The following RPS6KC1 variants were observed in gnomAD, a reference collection of about 807,000 sequenced individuals.
RPS6KC1 encodes ribosomal protein S6 kinase C1.
Under a neutral mutation model 103.8 loss-of-function variants are expected in RPS6KC1, and 54 were observed. The ratio of observed to expected loss-of-function variants is 0.52; its 90% confidence interval spans 0.42 to 0.65. The LOEUF is 0.65. Ranked by LOEUF, RPS6KC1 falls within the 30% of genes least tolerant of loss-of-function variation. The pLI is 0.00. For synonymous variants in RPS6KC1, 439 were observed against 438.7 expected (o/e 1.00, Z -0.01); for missense variants, 1,151 against 1,253.8 (o/e 0.92, Z 1.24).
the RPS6KC1 span, among the ~76,000 whole-genome samples, chr1:213,614,565 C>T: frequency 6.6e-6 from 1 of 152,232 alleles, no homozygotes; most frequent in Non-Finnish European, 1.5e-5. Context: ...TTCCAGTCGG[C>T]CTGCCTCATC....
intron 8 of RPS6KC1, among the ~76,000 whole-genome samples, chr1:213,220,698 AT>A (rs1234677933): frequency 6.6e-6 from 1 of 152,200 alleles, no homozygotes; most frequent in African/African-American, 2.4e-5. Context: ...TTTTATACTT[AT>A]TTTCTTCTAA....
chr1:213,682,497 C>A, the RPS6KC1 span, among the ~76,000 whole-genome samples: 9 of 152,226 alleles, frequency 5.9e-5, no homozygotes, highest in African/African-American at 1.9e-4. Flanking sequence ...AAGGGTTATC[C>A]ACAAATTAAG....
At chr1:213,313,664 C>T in the RPS6KC1 span, among the ~76,000 whole-genome samples, 8 of 152,168 alleles carry the variant, frequency 5.3e-5, no homozygotes, top group African/African-American at 1.9e-4. Flanking sequence ...AACTGGGTGG[C>T]TTAGAATAAC....
At chr1:213,835,475 C>T in the RPS6KC1 span, among the ~76,000 whole-genome samples, 2 of 152,148 alleles carry the variant, frequency 1.3e-5, no homozygotes, top group Admixed American at 6.5e-5. Context: ...AAGCACTGGG[C>T]GACCAGTTAG....
chr1:213,689,687 C>T, the RPS6KC1 span, among the ~76,000 whole-genome samples: 1 of 152,222 alleles, frequency 6.6e-6, no homozygotes, highest in South Asian at 2.1e-4. Flanking sequence ...ATCAGAGGCA[C>T]TCAGATTCCT....
At chr1:213,142,656 C>T (rs920041280) in intron 6 of RPS6KC1, among the ~76,000 whole-genome samples, 95 of 152,070 alleles carry the variant, frequency 6.2e-4, no homozygotes, top group African/African-American at 2.1e-3. Flanking sequence ...GGCTGCCATC[C>T]GGTAGATGGC....
intron 12 of RPS6KC1, among the ~76,000 whole-genome samples, chr1:213,254,460 G>C (rs759869813): frequency 1.1e-4 from 16 of 152,124 alleles, no homozygotes; most frequent in Non-Finnish European, 1.9e-4. Context: ...GAAGATTGAG[G>C]AATGCTTGCT....
intron 1 of RPS6KC1, among the ~76,000 whole-genome samples, chr1:213,052,736 T>G (rs2077052188): frequency 6.6e-6 from 1 of 152,122 alleles, no homozygotes; most frequent in African/African-American, 2.4e-5. Context: ...GAGATGGGGT[T>G]TCTGCATGTT....
intron 1 of RPS6KC1, among the ~76,000 whole-genome samples, chr1:213,056,982 C>G (rs182835487): frequency 6.6e-6 from 1 of 152,166 alleles, no homozygotes; most frequent in Admixed American, 6.5e-5. Flanking sequence ...CTCTGTCACC[C>G]AGGCTGGAGT....
the RPS6KC1 span, among the ~76,000 whole-genome samples, chr1:213,562,826 G>A: frequency 6.6e-6 from 1 of 152,016 alleles, no homozygotes; most frequent in East Asian, 1.9e-4. Flanking sequence ...ACTATCCCTA[G>A]ATAAGTTTTA....
intron 8 of RPS6KC1, among the ~76,000 whole-genome samples, chr1:213,210,051 G>A (rs943935002): frequency 2.0e-5 from 3 of 152,064 alleles, no homozygotes; most frequent in African/African-American, 4.8e-5. Flanking sequence ...GGTTTTGGTT[G>A]GCCTCTTTAC....
intron 8 of RPS6KC1, among the ~76,000 whole-genome samples, chr1:213,187,131 G>A (rs1289966290): frequency 6.6e-6 from 1 of 151,932 alleles, no homozygotes; most frequent in Non-Finnish European, 1.5e-5. Flanking sequence ...TGAACTCCTG[G>A]GTTCAAACAG....
the RPS6KC1 span, among the ~76,000 whole-genome samples, chr1:213,722,115 C>T: frequency 6.6e-6 from 1 of 152,078 alleles, no homozygotes; most frequent in Non-Finnish European, 1.5e-5. Context: ...TGCATGTACT[C>T]CAGGCAGAAA....
intron 3 of RPS6KC1, among the ~76,000 whole-genome samples, chr1:213,097,735 C>T (rs370534866): frequency 1.3e-5 from 2 of 152,306 alleles, no homozygotes; most frequent in East Asian, 3.9e-4. Context: ...CAATGATTTT[C>T]GCTAGATCTT....
At chr1:213,617,452 T>C in the RPS6KC1 span, among the ~76,000 whole-genome samples, 1 of 152,152 alleles carries the variant, frequency 6.6e-6, no homozygotes, top group Admixed American at 6.5e-5. Context: ...TAATTTGAAA[T>C]GTACTGAGGG....
chr1:213,071,094 A>G, intron 2 of RPS6KC1, 53 bp downstream of exon 2: 1 of 1,138,462 alleles, frequency 8.8e-7, no homozygotes, highest in East Asian at 2.7e-5. Context: ...ATTTAACTAA[A>G]TGCTTTTTTG....
the RPS6KC1 span, among the ~76,000 whole-genome samples, chr1:213,678,377 T>A: frequency 6.6e-6 from 1 of 152,240 alleles, no homozygotes; most frequent in Non-Finnish European, 1.5e-5. Flanking sequence ...TTCAGGGTCC[T>A]GCTCACAGTA....
chr1:213,341,627 A>G, the RPS6KC1 span, among the ~76,000 whole-genome samples: 3 of 152,228 alleles, frequency 2.0e-5, no homozygotes, highest in Non-Finnish European at 4.4e-5. Flanking sequence ...ATCAGTTACT[A>G]AGTTGCAGGT....
At chr1:213,096,892 A>G (rs2081507892) in intron 3 of RPS6KC1, among the ~76,000 whole-genome samples, 1 of 152,218 alleles carries the variant, frequency 6.6e-6, no homozygotes, top group African/African-American at 2.4e-5. Context: ...TATATTATAT[A>G]CACACAGAAA....
Sources: allele counts gnomAD v4.1 joint callset (sites outside exome capture counted in the v4.1 genomes callset), GRCh38; gene constraint gnomAD v4.1.1; transcripts MANE v1.5; gene names NCBI Gene and HGNC (gene_info 2026-07-23, HGNC 2026-07-21).